The following THRB variants were observed in gnomAD, a reference collection of about 807,000 sequenced individuals.
The protein encoded by THRB is nuclear receptor subfamily 1 group A member 2.
Under a neutral mutation model 47.8 loss-of-function variants are expected in THRB, and 12 were observed. The observed-to-expected ratio is 0.25, with a 90% confidence interval of 0.16 to 0.41. The LOEUF is 0.41. THRB is among the 10% of genes least tolerant of loss of function. THRB has a pLI of 1.00. For missense variants in THRB, 348 were observed against 589.2 expected (o/e 0.59, Z 4.24); for synonymous variants, 218 against 212.2 (o/e 1.03, Z -0.24).
chr3:24,281,866 A>G (rs2054650617), intron 3 of THRB, among the ~76,000 whole-genome samples: 1 of 151,718 alleles, frequency 6.6e-6, no homozygotes, highest in Non-Finnish European at 1.5e-5. Context: ...AAAGGGATCA[A>G]TTCAACAAGA....
intron 4 of THRB, among the ~76,000 whole-genome samples, chr3:24,213,022 G>A (rs1323522881): frequency 1.3e-5 from 2 of 152,182 alleles, no homozygotes; most frequent in Admixed American, 6.5e-5. Context: ...CAACTCTGGC[G>A]ATACGGTATG....
intron 6 of THRB, among the ~76,000 whole-genome samples, chr3:24,147,514 A>G (rs992998972): frequency 2.6e-5 from 4 of 152,222 alleles, no homozygotes; most frequent in Non-Finnish European, 4.4e-5. Flanking sequence ...ATCTGTAGAC[A>G]TACACCTACA....
chr3:24,376,460 C>T (rs2065293229), intron 1 of THRB, among the ~76,000 whole-genome samples: 1 of 152,092 alleles, frequency 6.6e-6, no homozygotes, highest in South Asian at 2.1e-4. Flanking sequence ...ACTCTAGAAA[C>T]ATGTATAGGG....
At chr3:24,131,156 G>A (rs1296836882) in intron 9 of THRB, among the ~76,000 whole-genome samples, 1 of 152,042 alleles carries the variant, frequency 6.6e-6, no homozygotes, top group Non-Finnish European at 1.5e-5. Flanking sequence ...ATTGTGGTAT[G>A]CATTATATTA....
chr3:24,433,777 T>G (rs1386561876), intron 1 of THRB, among the ~76,000 whole-genome samples: 1 of 152,160 alleles, frequency 6.6e-6, no homozygotes, highest in Non-Finnish European at 1.5e-5. Flanking sequence ...AGCCTCGCAA[T>G]TCAGTGACTG....
intron 3 of THRB, among the ~76,000 whole-genome samples, chr3:24,272,277 T>C (rs539382073): frequency 6.6e-6 from 1 of 151,736 alleles, no homozygotes; most frequent in East Asian, 1.9e-4. Context: ...GCCCAGGAGG[T>C]TGAGGCAACA....
intron 1 of THRB, among the ~76,000 whole-genome samples, chr3:24,388,570 T>A (rs1358883441): frequency 1.3e-5 from 2 of 152,156 alleles, no homozygotes; most frequent in African/African-American, 4.8e-5. Context: ...AAAATAATTT[T>A]CAAAAAGCCA....
intron 2 of THRB, among the ~76,000 whole-genome samples, chr3:24,325,758 T>A (rs2058764688): frequency 6.6e-6 from 1 of 152,264 alleles, no homozygotes; most frequent in Non-Finnish European, 1.5e-5. Context: ...CTGCCTGTTT[T>A]TCTTCATTGA....
intron 3 of THRB, among the ~76,000 whole-genome samples, chr3:24,260,513 CTT>C (rs1355890783): frequency 1.4e-4 from 22 of 152,234 alleles, no homozygotes; most frequent in Admixed American, 1.4e-3. Context: ...ATTTTATTCA[CTT>C]ATTCTTTCTC....
intron 3 of THRB, among the ~76,000 whole-genome samples, chr3:24,239,831 G>C (rs1294318317): frequency 6.6e-6 from 1 of 152,134 alleles, no homozygotes; most frequent in African/African-American, 2.4e-5. Context: ...CAGTCATGCT[G>C]TAACAGAGAT....
intron 3 of THRB, among the ~76,000 whole-genome samples, chr3:24,280,848 T>G (rs1225161347): frequency 6.6e-6 from 1 of 151,728 alleles, no homozygotes; most frequent in Admixed American, 6.6e-5. Context: ...TGATGGAAGA[T>G]GAAATGAATG....
intron 2 of THRB, among the ~76,000 whole-genome samples, chr3:24,306,259 T>A (rs1009025057): frequency 5.3e-5 from 8 of 152,204 alleles, no homozygotes; most frequent in African/African-American, 1.7e-4. Flanking sequence ...CTCCCCCGAA[T>A]CTAAATTTCC....
intron 5 of THRB, among the ~76,000 whole-genome samples, chr3:24,181,109 A>C (rs1468731973): frequency 6.6e-6 from 1 of 152,230 alleles, no homozygotes; most frequent in Non-Finnish European, 1.5e-5. Context: ...AAGTAAGGAC[A>C]CTGAAAGAGA....
At chr3:24,451,316 C>T (rs1278104745) in intron 1 of THRB, among the ~76,000 whole-genome samples, 3 of 150,918 alleles carry the variant, frequency 2.0e-5, no homozygotes, top group East Asian at 2.0e-4. Context: ...TCACTGCAAC[C>T]TCTGTCTCCC....
chr3:24,390,797 A>T (rs78020179), intron 1 of THRB, among the ~76,000 whole-genome samples: 20,787 of 137,588 alleles, frequency 0.15, 1,880 homozygotes, highest in East Asian at 0.38. Flanking sequence ...AAAAAAAAAA[A>T]ATATATATAT....
intron 10 of THRB, among the ~76,000 whole-genome samples, chr3:24,126,784 G>T (rs528935981): frequency 2.2e-4 from 34 of 152,354 alleles, no homozygotes; most frequent in Non-Finnish European, 1.9e-4. Flanking sequence ...CAGGGGGACC[G>T]TTGAGTCCTG....
At chr3:24,147,375 G>A (rs1240350044) in intron 6 of THRB, among the ~76,000 whole-genome samples, 3 of 152,212 alleles carry the variant, frequency 2.0e-5, no homozygotes, top group African/African-American at 7.2e-5. Context: ...TCTTGAGACA[G>A]CCATGATCAG....
At chr3:24,131,802 C>T (rs538004922) in intron 9 of THRB, among the ~76,000 whole-genome samples, 1 of 152,186 alleles carries the variant, frequency 6.6e-6, no homozygotes, top group Non-Finnish European at 1.5e-5. Context: ...AACGTCCCAG[C>T]CTCCAGAACT....
intron 5 of THRB, among the ~76,000 whole-genome samples, chr3:24,172,669 G>GA (rs1343862783): frequency 6.6e-6 from 1 of 152,064 alleles, no homozygotes; most frequent in Non-Finnish European, 1.5e-5. Context: ...TGGTGCAGTG[G>GA]AAAAAAATTG....
Sources: allele counts gnomAD v4.1 joint callset (sites outside exome capture counted in the v4.1 genomes callset), GRCh38; gene constraint gnomAD v4.1.1; transcripts MANE v1.5; gene names NCBI Gene and HGNC (gene_info 2026-07-23, HGNC 2026-07-21).